Variants in CEP89 observed in about 807,000 individuals in gnomAD.
The protein encoded by CEP89 is centrosomal protein 89, also known as centrosomal protein of 89 kDa.
CEP89 carries 95 observed loss-of-function variants against 97.6 expected under a neutral mutation model. The ratio of observed to expected loss-of-function variants is 0.97; its 90% CI spans 0.82 to 1.15. CEP89 has a LOEUF of 1.15. Ranked by LOEUF, CEP89 falls within the 50% of genes most tolerant of loss-of-function variation. The pLI is 0.00. For missense variants in CEP89, 869 were observed against 947.7 expected, an observed-to-expected ratio of 0.92 and a Z score of 1.09; for synonymous variants, 354 against 349.1, an observed-to-expected ratio of 1.01 and a Z score of -0.16.
In CEP89 at chr19:32,879,123, T is replaced by C. The variant is rs1488138847; in HGVS notation, c.*39A>G. The C allele has an allele frequency of 6.5e-7, 1 of 1,527,508 alleles. No individual in the cohort carries two copies. The highest frequency in any genetic ancestry group is 1.4e-5 in the African/African-American group (1 of 73,020). The allele number at this position is 1,527,508 out of a possible 1,614,324, so 94.6% of individuals were successfully genotyped here. A position where few individuals can be genotyped will look rare whatever the true frequency, so the allele number is the denominator to read the frequency against. On this transcript the variant is annotated 3_prime_UTR_variant, in exon 19 of 19. Transcript: ENST00000305768. ...GGAAGGCCTGTGTGAGGCAGACCTT[T>C]CAGGCCAGAGGAGGCTACACCACGG...
At chr19:32,918,637 T>C (rs1428266454) in intron 12 of CEP89, among the ~76,000 whole-genome samples, 1 of 152,156 alleles carries the variant, frequency 6.6e-6, no homozygotes, top group Non-Finnish European at 1.5e-5. Flanking sequence ...ATACCCAGCT[T>C]GAACAGTCAC....
At chr19:32,918,546 C>CT (rs1202839221) in intron 12 of CEP89, among the ~76,000 whole-genome samples, 3 of 152,168 alleles carry the variant, frequency 2.0e-5, no homozygotes, top group Non-Finnish European at 4.4e-5. Flanking sequence ...TTACGGACTG[C>CT]TTCAGAAAAC....
Position 32,881,903 on chromosome 19 carries a change from G to A in CEP89, c.2076C>T (p.His692=). The A allele has an allele frequency of 2.5e-6, 4 of 1,606,466 alleles. No individual in the cohort carries two copies. The highest frequency in any genetic ancestry group is 3.4e-6 in the Non-Finnish European group (4 of 1,178,636). Residue 692 remains histidine, a synonymous_variant, in exon 18 of 19, where the codon CAC becomes CAT. Coordinates refer to ENST00000305768, the MANE Select transcript of CEP89 (RefSeq NM_032816.5). ...GCTTGTCCTTCAGCACCTGGTGCAG[G>A]TGCCGCATCTCCTGCCGGTACTGGG... The part of the protein sequence containing the change: ...KTAQYRQEMR[H]LHQVLKDKQE...
chr19:32,920,035 C>T (rs1279885549), intron 12 of CEP89, among the ~76,000 whole-genome samples: 1 of 151,986 alleles, frequency 6.6e-6, no homozygotes, highest in Non-Finnish European at 1.5e-5. Context: ...TCATTCATTT[C>T]ACTTTTTATT....
In CEP89 at chr19:32,931,466, C is replaced by T. The variant is rs749149514; in HGVS notation, c.992G>A (p.Arg331Gln). The change falls in exon 9 of 19, where the codon CGA (arginine) becomes CAA (glutamine). Residue 331 changes from arginine to glutamine, a missense_variant. Arg to Gln is a conservative substitution (Grantham distance 43). Coordinates refer to ENST00000305768, the MANE Select transcript of CEP89 (RefSeq NM_032816.5). Reference protein sequence around the residue: ...TVHRLNVELSRYQTKFRHLSK... With the variant: ...TVHRLNVELSQYQTKFRHLSK... ...CAAATGCCTGAATTTTGTCTGATAT[C>T]GACTGAGTTCTACATTCAAACGATG... The T allele has an allele frequency of 6.3e-6, 10 of 1,591,050 alleles. No homozygotes were observed. The highest frequency in any genetic ancestry group is 1.7e-4 in the Middle Eastern group (1 of 6,036).
chr19:32,931,186 G>A (rs750571376), intron 9 of CEP89: 4 of 428,274 alleles, frequency 9.3e-6, no homozygotes, highest in African/African-American at 2.0e-5. Context: ...CACCTCATCC[G>A]GCCTCTTTTA....
intron 3 of CEP89, among the ~76,000 whole-genome samples, chr19:32,955,994 T>C (rs188808914): frequency 1.5e-3 from 235 of 152,194 alleles, no homozygotes; most frequent in African/African-American, 5.3e-3. Flanking sequence ...TTCCATATAC[T>C]TGTGTTCAGG....
At chr19:32,903,598 G>A (rs1046263582) in intron 14 of CEP89, among the ~76,000 whole-genome samples, 4 of 152,098 alleles carry the variant, frequency 2.6e-5, no homozygotes, top group African/African-American at 9.7e-5. Flanking sequence ...ATATTGGATG[G>A]GACTAACAGC....
intron 16 of CEP89, among the ~76,000 whole-genome samples, chr19:32,888,531 T>C (rs1026434229): frequency 3.3e-5 from 5 of 151,922 alleles, no homozygotes; most frequent in African/African-American, 1.2e-4. Context: ...TTTAAAAAGA[T>C]CTCAGGCCAG....
chr19:32,938,020 T>G (rs1970613476), intron 6 of CEP89, among the ~76,000 whole-genome samples: 1 of 114,074 alleles, frequency 8.8e-6, no homozygotes, highest in East Asian at 2.3e-4. Flanking sequence ...TTTTTTTTTT[T>G]TGTAGAGATG....
intron 17 of CEP89, 138 bp downstream of exon 17, chr19:32,887,614 A>G: frequency 1.6e-6 from 1 of 627,968 alleles, no homozygotes; most frequent in East Asian, 2.7e-5. Context: ...TGCCAGCAAA[A>G]CCTTACAATA....
In CEP89 at chr19:32,953,763, A is replaced by G. The variant is rs1568578631; in HGVS notation, c.344T>C (p.Leu115Ser). Residue 115 changes from leucine to serine, a missense_variant, in exon 4 of 19, where the codon TTG becomes TCG. Coordinates refer to ENST00000305768, the MANE Select transcript of CEP89 (RefSeq NM_032816.5). Reference protein sequence around the residue: ...WQSEMGRRSSLPSFETLDYGD... With the variant: ...WQSEMGRRSSSPSFETLDYGD... ...ATAGTCCAGTGTTTCAAAGGATGGC[A>G]AAGAAGATCTTCTTCCCATCTCACT... The G allele has an allele frequency of 6.2e-7, 1 of 1,614,136 alleles. No homozygotes were observed. Among genetic ancestry groups the G allele is most frequent in the East Asian group, 2.2e-5 (1 of 44,880 alleles).
At chr19:32,879,431 T>C (rs1325730537) in intron 18 of CEP89, 53 bp from the exon 19 acceptor site, 10 of 1,435,420 alleles carry the variant, frequency 7.0e-6, no homozygotes, top group African/African-American at 1.4e-5. Flanking sequence ...ATAGAGCCCA[T>C]ATGAATCCCA....
Position 32,931,469 on chromosome 19 carries a change from C to CT in CEP89, c.988dup (p.Ser330LysfsTer19). On this transcript the variant is annotated frameshift_variant, in exon 9 of 19. Coordinates refer to ENST00000305768, the MANE Select transcript of CEP89 (RefSeq NM_032816.5). LOFTEE classifies it high-confidence loss of function. ...ATGCCTGAATTTTGTCTGATATCGACTGAGTTCTACATTCAAACGATGGAC... is the reference window on the plus strand; with the variant it reads ...ATGCCTGAATTTTGTCTGATATCGACTTGAGTTCTACATTCAAACGATGGAC... 6.3e-7 allele frequency: 1 copy of CT among 1,592,254 alleles called. No individual in the cohort carries two copies. The highest frequency in any genetic ancestry group is 8.5e-7 in the Non-Finnish European group (1 of 1,174,982).
intron 6 of CEP89, 74 bp from the exon 7 acceptor site, chr19:32,937,747 T>A (rs1329965267): frequency 2.0e-6 from 2 of 991,628 alleles, no homozygotes; most frequent in Non-Finnish European, 3.2e-6. Flanking sequence ...CGCAGCTAGG[T>A]CATTAGACAG....
chr19:32,915,540 A>T lies in CEP89; in HGVS notation c.1385-23T>A, dbSNP rs746798438. The T allele has an allele frequency of 1.9e-6, 3 of 1,596,544 alleles. No individual in the cohort carries two copies. In the East Asian group the frequency reaches 6.7e-5, roughly 36 times the overall value. ...AAACTGAAAATCAAAAGAGGAAGAT[A>T]AAAACTTGGCACAGAAGACCTCACA... On this transcript the variant is annotated intron_variant, in intron 13 of 18. Transcript: ENST00000305768.
intron 3 of CEP89, among the ~76,000 whole-genome samples, chr19:32,956,761 A>G (rs11670796): frequency 0.15 from 22,148 of 152,190 alleles, 1,979 homozygotes; most frequent in Non-Finnish European, 0.21. Flanking sequence ...TATTAATATT[A>G]TTTTGCTTAT....
At chr19:32,919,801 G>A (rs1203551896) in intron 12 of CEP89, among the ~76,000 whole-genome samples, 1 of 152,146 alleles carries the variant, frequency 6.6e-6, no homozygotes, top group Non-Finnish European at 1.5e-5. Context: ...ACCACACCAA[G>A]CTAATTTTTG....
rs781656593 is a variant in CEP89, at chr19:32,937,634, G to C, written c.664C>G (p.Pro222Ala). ...PPLCEKPPPS[P>A]DITGRARQRY... ...ATATAATTCAAAAGGCAAATACCTG[G>C]GGAGGGTGGAGGTTTCTCACATAAT... Residue 222 changes from proline to alanine, a missense_variant, in exon 7 of 19, where the codon CCA becomes GCA. Physicochemically the swap from Pro to Ala is conservative, Grantham distance 27. Transcript: ENST00000305768. The C allele has an allele frequency of 6.2e-6, 10 of 1,602,050 alleles. No individual in the cohort carries two copies. In the South Asian group the frequency reaches 1.1e-4, roughly 18 times the overall value.
Sources: gnomAD v4.1 joint callset for allele counts (sites outside exome capture counted in the v4.1 genomes callset) on GRCh38, gnomAD v4.1.1 for gene constraint, MANE v1.5 for transcripts, NCBI Gene and HGNC (gene_info 2026-07-23, HGNC 2026-07-21) for gene names.